The following SCAPER variants were observed in gnomAD, a reference collection of about 807,000 sequenced individuals.
SCAPER encodes S-phase cyclin A associated protein in the ER.
A neutral mutation model predicts 182.2 loss-of-function variants in SCAPER; 98 were observed. The observed-to-expected ratio is 0.54, with a 90% confidence interval of 0.46 to 0.64. The LOEUF (loss-of-function observed/expected upper bound fraction) is 0.64. SCAPER is among the 30% of genes least tolerant of loss of function. The pLI is 0.00. For missense variants in SCAPER, 1,432 were observed against 1,690.0 expected (o/e 0.85, Z 2.68); for synonymous variants, 605 against 564.6 (o/e 1.07, Z -1.01).
chr15:76,739,979 C>A (rs2061460381), intron 15 of SCAPER, among the ~76,000 whole-genome samples: 5 of 152,120 alleles, frequency 3.3e-5, no homozygotes, highest in Admixed American at 3.3e-4. Flanking sequence ...CCAGCCTGGG[C>A]AACATAGCAA....
chr15:76,672,900 G>A (rs1405920375), intron 20 of SCAPER, among the ~76,000 whole-genome samples: 2 of 151,792 alleles, frequency 1.3e-5, no homozygotes, highest in Non-Finnish European at 2.9e-5. Flanking sequence ...ACCTAGAAAG[G>A]GCTAATACTG....
chr15:76,795,702 G>A (rs1229169788), intron 7 of SCAPER, among the ~76,000 whole-genome samples: 1 of 152,126 alleles, frequency 6.6e-6, no homozygotes, highest in Non-Finnish European at 1.5e-5. Flanking sequence ...TCACTTAAAT[G>A]AGGAAGCTTT....
intron 9 of SCAPER, 91 bp downstream of exon 9, chr15:76,774,763 TA>T: frequency 7.3e-7 from 1 of 1,372,648 alleles, no homozygotes. Context: ...CACAGTAAGT[TA>T]AAAAATGAAG....
At chr15:76,472,365 T>A (rs1325088010) in intron 24 of SCAPER, 1 of 711,016 alleles carries the variant, frequency 1.4e-6, no homozygotes, top group Non-Finnish European at 2.6e-6. Context: ...AGATGCCAAG[T>A]GAAGCGTGTG....
intron 26 of SCAPER, among the ~76,000 whole-genome samples, chr15:76,427,583 T>A (rs2046525474): frequency 6.6e-6 from 1 of 152,082 alleles, no homozygotes; most frequent in African/African-American, 2.4e-5. Context: ...CAGTCACACA[T>A]GCTTGTAATC....
At position 76,632,768 on chromosome 15, in the gene SCAPER, CTTTTTTT is replaced by C. The variant is rs1188058843; in HGVS notation, c.2646-10946_2646-10940del. ...TTCCTTTGATCTCTGAGGCTGCTGA[CTTTTTTT>C]TTTTTTTTTTTTTTTGAGACGGAAT... is the stretch of plus-strand genomic sequence containing the variant. On this transcript the variant is annotated intron_variant, in intron 21 of 31. Transcript: ENST00000563290. Among the ~76,000 whole-genome samples, 106 of 104,528 alleles carry C rather than the reference CTTTTTTT, an allele frequency of 1.0e-3. No homozygotes were observed. The East Asian group carries it at 0.026, about 25-fold the overall frequency. 68.6% of individuals were successfully genotyped at this position (104,528 alleles called of 152,430 possible).
chr15:76,571,746 T>C (rs2047447919), intron 23 of SCAPER, among the ~76,000 whole-genome samples: 1 of 152,154 alleles, frequency 6.6e-6, no homozygotes. Flanking sequence ...TCTTCAAATA[T>C]CCTTCACTGG....
intron 14 of SCAPER, among the ~76,000 whole-genome samples, chr15:76,764,489 T>C (rs1487769300): frequency 6.6e-6 from 1 of 152,250 alleles, no homozygotes; most frequent in Non-Finnish European, 1.5e-5. Context: ...GCCCACTGCA[T>C]ATGGACATGG....
chr15:76,859,826 G>C (rs774626356), intron 3 of SCAPER, among the ~76,000 whole-genome samples: 7 of 151,962 alleles, frequency 4.6e-5, no homozygotes, highest in Non-Finnish European at 8.8e-5. Context: ...CTGCCTCCCA[G>C]GTTCAAGCCT....
intron 2 of SCAPER, among the ~76,000 whole-genome samples, chr15:76,871,232 A>T (rs1595855913): frequency 1.3e-5 from 2 of 151,806 alleles, no homozygotes; most frequent in African/African-American, 2.4e-5. Context: ...ACATGGTGAA[A>T]CCCTGCCTCT....
At position 76,351,263 on chromosome 15, in the gene SCAPER, G is replaced by A. The variant is rs370647250; in HGVS notation, c.4073C>T (p.Ala1358Val). ...IQDLAQTPGQ[A>V]ENQPYQPKGK... ...TTTGGGTTGGTAAGGCTGGTTTTCC[G>A]CTTGACCTGGAGTCTGTGCCAAATC... The change falls in exon 31 of 32, where the codon GCG becomes GTG. Residue 1358 changes from alanine (A) to valine (V), a missense_variant. Transcript: ENST00000563290. The A allele has an allele frequency of 4.3e-6, 7 of 1,609,776 alleles. No homozygotes were observed. Among genetic ancestry groups the A allele is most frequent in the Admixed American group, 1.7e-5 (1 of 59,492 alleles).
At position 76,381,546 on chromosome 15, in the gene SCAPER, G is replaced by A; in HGVS notation, c.3537C>T (p.Asp1179=). The part of the protein sequence containing the change: ...TGLTAALQAT[D]LAGVLHMLYC... ...AGAGCATATGAAGAACTCCAGCCAG[G>A]TCGGTTGCCTGAAGAGCAGCTGTCA... Residue 1179 remains aspartate, a synonymous_variant, in exon 28 of 32, where the codon GAC becomes GAT. Coordinates refer to ENST00000563290, the MANE Select transcript of SCAPER (RefSeq NM_020843.4). 1 of 1,612,238 alleles carries A rather than the reference G, an allele frequency of 6.2e-7. No individual in the cohort carries two copies. Among genetic ancestry groups the A allele is most frequent in the Non-Finnish European group, 8.5e-7 (1 of 1,179,200 alleles).
intron 26 of SCAPER, among the ~76,000 whole-genome samples, chr15:76,423,870 G>A (rs1412759936): frequency 3.1e-4 from 47 of 152,148 alleles, no homozygotes; most frequent in African/African-American, 1.0e-3. Context: ...CCTTCATTTC[G>A]TTATTTACCC....
At chr15:76,397,042 T>A (rs1252393609) in intron 27 of SCAPER, among the ~76,000 whole-genome samples, 1 of 151,576 alleles carries the variant, frequency 6.6e-6, no homozygotes, top group Non-Finnish European at 1.5e-5. Context: ...CATGAAGTGA[T>A]GTTGAATTTC....
At chr15:76,810,637 G>C (rs1042577975) in intron 5 of SCAPER, among the ~76,000 whole-genome samples, 6 of 149,962 alleles carry the variant, frequency 4.0e-5, no homozygotes, top group South Asian at 2.1e-4. Context: ...ACACAAAACA[G>C]TTAATTAAAA....
At chr15:76,619,459 C>T (rs997796739) in intron 22 of SCAPER, among the ~76,000 whole-genome samples, 9 of 152,054 alleles carry the variant, frequency 5.9e-5, no homozygotes, top group Admixed American at 4.6e-4. Flanking sequence ...AGTGGAATGG[C>T]GGGGAGTATG....
intron 9 of SCAPER, chr15:76,774,305 T>C: frequency 3.1e-6 from 1 of 317,772 alleles, no homozygotes; most frequent in Non-Finnish European, 5.9e-6. Context: ...AAACTATTAA[T>C]GTCATGAAAG....
intron 23 of SCAPER, among the ~76,000 whole-genome samples, chr15:76,553,796 T>C (rs2045970887): frequency 6.6e-6 from 1 of 151,308 alleles, no homozygotes; most frequent in African/African-American, 2.4e-5. Context: ...AACTCAAAGA[T>C]CATCAAAAAA....
chr15:76,434,328 A>C lies in SCAPER; in HGVS notation c.3079-18T>G. The stretch of plus-strand genomic sequence containing the variant: ...ACATAAACCTAGATGAAAAAAAAGT[A>C]CAGTAAATATGTTTCAATAAAACCA... On this transcript the variant is annotated intron_variant, in intron 25 of 31. Coordinates refer to ENST00000563290, the MANE Select transcript of SCAPER (RefSeq NM_020843.4). 6.4e-7 allele frequency: 1 copy of C among 1,557,480 alleles called. No individual in the cohort carries two copies. Among genetic ancestry groups the C allele is most frequent in the African/African-American group, 1.4e-5 (1 of 73,034 alleles).
Sources: gnomAD v4.1 joint callset for allele counts (sites outside exome capture counted in the v4.1 genomes callset) on GRCh38, gnomAD v4.1.1 for gene constraint, MANE v1.5 for transcripts, NCBI Gene and HGNC (gene_info 2026-07-23, HGNC 2026-07-21) for gene names.